Variants in PCDH15 observed in about 807,000 individuals in gnomAD.
PCDH15 encodes protocadherin-15.
In PCDH15, 129 loss-of-function variants were observed where a neutral mutation model predicts 178.5. The ratio of observed to expected loss-of-function variants is 0.72; its 90% confidence interval spans 0.63 to 0.84. The LOEUF is 0.84. Ranked by LOEUF, PCDH15 falls within the 40% of genes least tolerant of loss-of-function variation. The pLI is 0.00. For missense variants in PCDH15, 2,230 were observed against 2,099.9 expected, an observed-to-expected ratio of 1.06 and a Z score of -1.21; for synonymous variants, 800 against 732.0, an observed-to-expected ratio of 1.09 and a Z score of -1.50.
At chr10:55,503,198 A>G (rs1840692132) in intron 2 of PCDH15, among the ~76,000 whole-genome samples, 1 of 151,356 alleles carries the variant, frequency 6.6e-6, no homozygotes, top group African/African-American at 2.4e-5. Flanking sequence ...TGAATTCTAC[A>G]CTGTTTCCTC....
At chr10:55,601,142 G>A (rs910933108) in intron 2 of PCDH15, among the ~76,000 whole-genome samples, 2 of 152,062 alleles carry the variant, frequency 1.3e-5, no homozygotes, top group African/African-American at 4.8e-5. Flanking sequence ...CCTCCTTCCA[G>A]AGAGCTCTCC....
chr10:54,048,178 ATTTG>A (rs2135584290), intron 18 of PCDH15, among the ~76,000 whole-genome samples: 1 of 151,772 alleles, frequency 6.6e-6, no homozygotes, highest in Admixed American at 6.6e-5. Flanking sequence ...TCATTTTTTC[ATTTG>A]TTTGTTGGCT....
rs1480689163 is a variant in PCDH15 at position 55,108,344 on chromosome 10, T to A, written c.-80+58232A>T. On this transcript the variant is annotated intron_variant, in intron 2 of 5. Coordinates refer to the PCDH15 transcript ENST00000458638. ...CATTATTTATATTCAAATAATAGTA[T>A]TTAAATAGAGTTACGGGTTATGGAT... 2.6e-5 allele frequency among the ~76,000 whole-genome samples: 4 copies of A among 152,218 alleles called. No individual in the cohort carries two copies. In the East Asian group the frequency reaches 7.7e-4, roughly 29 times the overall value.
intron 8 of PCDH15, among the ~76,000 whole-genome samples, chr10:54,268,831 TTAAGA>T (rs2057866087): frequency 6.6e-6 from 1 of 151,988 alleles, no homozygotes; most frequent in African/African-American, 2.4e-5. Context: ...CTTCATTGAT[TTAAGA>T]TATTTTTTGA....
intron 2 of PCDH15, among the ~76,000 whole-genome samples, chr10:55,492,821 C>A (rs1840447645): frequency 6.6e-6 from 1 of 151,660 alleles, no homozygotes; most frequent in African/African-American, 2.4e-5. Context: ...TAAAGGAAGA[C>A]TTGATAGTAA....
chr10:55,222,744 T>C (rs756890296), intron 1 of PCDH15, among the ~76,000 whole-genome samples: 99,182 of 127,860 alleles, frequency 0.78, 38,239 homozygotes, highest in Admixed American at 0.82. Flanking sequence ...TATATATATA[T>C]ATATATATAT....
intron 13 of PCDH15, among the ~76,000 whole-genome samples, chr10:54,161,951 G>A (rs2045757895): frequency 1.3e-5 from 2 of 152,002 alleles, no homozygotes; most frequent in Admixed American, 1.3e-4. Context: ...CTCACTGATT[G>A]GCATTTTGTG....
chr10:55,556,706 G>T (rs1842097641), intron 2 of PCDH15, among the ~76,000 whole-genome samples: 2 of 152,022 alleles, frequency 1.3e-5, no homozygotes, highest in African/African-American at 4.8e-5. Flanking sequence ...GGATGTGGTG[G>T]CGCGTGTGCG....
At chr10:54,993,239 A>G (rs146576322) in intron 2 of PCDH15, among the ~76,000 whole-genome samples, 6 of 152,358 alleles carry the variant, frequency 3.9e-5, no homozygotes, top group Non-Finnish European at 5.9e-5. Context: ...TAAAGACCTC[A>G]AAGTCAGAAG....
intron 3 of PCDH15, among the ~76,000 whole-genome samples, chr10:54,866,018 G>T (rs1953934004): frequency 6.6e-6 from 1 of 152,146 alleles, no homozygotes; most frequent in South Asian, 2.1e-4. Context: ...ATATGATCAA[G>T]ATTTTTGTGA....
At chr10:54,678,919 G>A (rs945622600) in intron 1 of PCDH15, among the ~76,000 whole-genome samples, 11 of 152,080 alleles carry the variant, frequency 7.2e-5, no homozygotes, top group Non-Finnish European at 1.5e-4. Context: ...GGCCGGGCGC[G>A]GTGGCTCACG....
chr10:54,763,333 G>A (rs932578964), intron 1 of PCDH15, among the ~76,000 whole-genome samples: 6 of 152,132 alleles, frequency 3.9e-5, no homozygotes, highest in African/African-American at 1.4e-4. Context: ...CAGATTCCAT[G>A]AGACACTAAG....
chr10:55,051,599 T>C (rs1370860016), intron 2 of PCDH15, among the ~76,000 whole-genome samples: 1 of 152,314 alleles, frequency 6.6e-6, no homozygotes, highest in Non-Finnish European at 1.5e-5. Flanking sequence ...CATTTCAAGT[T>C]TGAGACTATT....
chr10:54,759,766 G>A (rs1947627521), intron 1 of PCDH15, among the ~76,000 whole-genome samples: 1 of 152,046 alleles, frequency 6.6e-6, no homozygotes, highest in African/African-American at 2.4e-5. Context: ...TTTTCTTTAG[G>A]GAATAGATTC....
chr10:54,217,672 T>C (rs1055797648), intron 9 of PCDH15, among the ~76,000 whole-genome samples: 5 of 152,314 alleles, frequency 3.3e-5, no homozygotes, highest in South Asian at 2.1e-4. Context: ...CTCTGAATGC[T>C]GAAACACAGA....
chr10:55,328,772 T>C (rs939594726), intron 2 of PCDH15, among the ~76,000 whole-genome samples: 2 of 151,064 alleles, frequency 1.3e-5, no homozygotes, highest in Non-Finnish European at 3.0e-5. Context: ...GTAGGTCATC[T>C]AGAGATTATT....
intron 1 of PCDH15, among the ~76,000 whole-genome samples, chr10:54,704,382 G>A (rs187428035): frequency 2.0e-5 from 3 of 152,198 alleles, no homozygotes; most frequent in Admixed American, 6.6e-5. Flanking sequence ...TAAACCTACA[G>A]AATGGGAGAG....
intron 1 of PCDH15, among the ~76,000 whole-genome samples, chr10:54,737,597 T>G (rs551238268): frequency 6.6e-6 from 1 of 152,222 alleles, no homozygotes; most frequent in African/African-American, 2.4e-5. Flanking sequence ...ATTCTAATTT[T>G]AGTGAAAACA....
intron 1 of PCDH15, among the ~76,000 whole-genome samples, chr10:54,715,411 C>A (rs544661154): frequency 6.6e-6 from 1 of 152,198 alleles, no homozygotes; most frequent in South Asian, 2.1e-4. Flanking sequence ...AGGCTGTTAG[C>A]ATGCCTCAGC....
Sources: gnomAD v4.1 joint callset for allele counts (sites outside exome capture counted in the v4.1 genomes callset) on GRCh38, gnomAD v4.1.1 for gene constraint, MANE v1.5 for transcripts, NCBI Gene and HGNC (gene_info 2026-07-23, HGNC 2026-07-21) for gene names.